LIPC: variants seen among roughly 807,000 people sequenced by gnomAD.
The protein encoded by LIPC is lipase C, hepatic type.
LIPC carries 44 observed loss-of-function variants against 50.7 expected under a neutral mutation model. The observed-to-expected ratio is 0.87, with a 90% CI of 0.68 to 1.11. LIPC has a LOEUF of 1.11. Among genes scored for constraint, LIPC ranks in the 50% most tolerant of loss-of-function variants. The pLI is 0.00. For synonymous variants in LIPC, 271 were observed against 256.4 expected (o/e 1.06, Z -0.54); for missense variants, 697 against 648.2 (o/e 1.08, Z -0.82).
chr15:58,443,346 G>A (rs1368263363), intron 1 of LIPC, among the ~76,000 whole-genome samples: 2 of 152,130 alleles, frequency 1.3e-5, no homozygotes, highest in African/African-American at 4.8e-5. Context: ...GTGGCCCAAG[G>A]GGAAAAACCT....
intron 4 of LIPC, among the ~76,000 whole-genome samples, chr15:58,544,135 C>T (rs1306263346): frequency 6.6e-6 from 1 of 152,150 alleles, no homozygotes; most frequent in Non-Finnish European, 1.5e-5. Context: ...TGGATTTAAC[C>T]CACAATAGCC....
At chr15:58,443,500 T>G (rs1243265169) in intron 1 of LIPC, among the ~76,000 whole-genome samples, 1 of 152,230 alleles carries the variant, frequency 6.6e-6, no homozygotes, top group African/African-American at 2.4e-5. Flanking sequence ...TTAAAAATTC[T>G]GGGCTACTTT....
intron 1 of LIPC, among the ~76,000 whole-genome samples, chr15:58,513,569 T>C (rs1839929): frequency 0.98 from 149,752 of 152,238 alleles, 73,703 homozygotes; most frequent in Middle Eastern, 1. Flanking sequence ...CAGAGGGAAA[T>C]ATTCAGAATC....
intron 1 of LIPC, among the ~76,000 whole-genome samples, chr15:58,509,137 T>A (rs1892254191): frequency 6.6e-6 from 1 of 152,208 alleles, no homozygotes; most frequent in South Asian, 2.1e-4. Flanking sequence ...TGTACCCAAA[T>A]CCACACATTC....
At chr15:58,445,464 T>C (rs1893662317) in intron 1 of LIPC, among the ~76,000 whole-genome samples, 1 of 152,076 alleles carries the variant, frequency 6.6e-6, no homozygotes, top group Admixed American at 6.5e-5. Context: ...CCTTCCCACA[T>C]AGAAGGGTCA....
chr15:58,523,570 T>C (rs1216042203), intron 1 of LIPC, among the ~76,000 whole-genome samples: 5 of 151,280 alleles, frequency 3.3e-5, no homozygotes, highest in Admixed American at 2.6e-4. Context: ...TCCAGAGAAA[T>C]AGTTATCATG....
At chr15:58,487,773 A>C (rs1248374836) in intron 1 of LIPC, among the ~76,000 whole-genome samples, 2 of 152,194 alleles carry the variant, frequency 1.3e-5, no homozygotes, top group South Asian at 2.1e-4. Flanking sequence ...TCATCACAGC[A>C]GTTATTTTAA....
chr15:58,474,685 A>G (rs765567792), intron 1 of LIPC, among the ~76,000 whole-genome samples: 1 of 152,162 alleles, frequency 6.6e-6, no homozygotes, highest in Non-Finnish European at 1.5e-5. Context: ...GCGTGGAGGT[A>G]CGCAGGATCC....
intron 5 of LIPC, 148 bp downstream of exon 5, chr15:58,546,123 A>G (rs558557054): frequency 4.0e-6 from 3 of 756,352 alleles, no homozygotes; most frequent in South Asian, 3.1e-5. Flanking sequence ...CCACCCAGAG[A>G]GAAGGAATGC....
At chr15:58,481,780 C>G (rs1306938167) in intron 1 of LIPC, among the ~76,000 whole-genome samples, 1 of 152,210 alleles carries the variant, frequency 6.6e-6, no homozygotes, top group Middle Eastern at 3.2e-3. Context: ...GCCTGGCCAG[C>G]AGAGCGAGAC....
intron 1 of LIPC, among the ~76,000 whole-genome samples, chr15:58,504,755 G>A (rs1376792425): frequency 2.0e-5 from 3 of 152,188 alleles, no homozygotes; most frequent in African/African-American, 7.2e-5. Flanking sequence ...AAATACTAGT[G>A]TTCTCTTCAC....
At chr15:58,536,898 C>T (rs1566942639) in intron 1 of LIPC, among the ~76,000 whole-genome samples, 1 of 152,324 alleles carries the variant, frequency 6.6e-6, no homozygotes, top group East Asian at 1.9e-4. Flanking sequence ...TCCCCTTGCA[C>T]TTTGTAGGTT....
At chr15:58,498,074 G>A (rs1460305550) in intron 1 of LIPC, among the ~76,000 whole-genome samples, 2 of 152,146 alleles carry the variant, frequency 1.3e-5, no homozygotes, top group Admixed American at 6.5e-5. Flanking sequence ...AGAGCTGAAG[G>A]ATCAAAGAGA....
chr15:58,432,134 T>C lies in LIPC; in HGVS notation c.88+14T>C. The C allele has an allele frequency of 6.3e-7, 1 of 1,584,294 alleles. No individual in the cohort carries two copies. The highest frequency in any genetic ancestry group is 8.7e-7 in the Non-Finnish European group (1 of 1,152,886). On this transcript the variant is annotated intron_variant, in intron 1 of 8. Transcript: ENST00000299022. ...GCCTGAAACCAGGTAAGAGCCTGAC[T>C]TTTCTCCAGAGATGGGCATGAACTT...
At chr15:58,435,128 T>G (rs1893250192) in intron 1 of LIPC, 1 of 152,234 alleles carries the variant, frequency 6.6e-6, no homozygotes, top group African/African-American at 2.4e-5. Context: ...CCTTGCATAT[T>G]AACACATATA....
chr15:58,564,746 A>G (rs779402693), intron 8 of LIPC, among the ~76,000 whole-genome samples: 19 of 151,954 alleles, frequency 1.3e-4, no homozygotes, highest in Non-Finnish European at 2.2e-4. Context: ...AATAATAATA[A>G]TAGAAAAGAA....
intron 1 of LIPC, 146 bp downstream of exon 1, chr15:58,432,266 A>G (rs558127333): frequency 1.1e-5 from 8 of 701,638 alleles, no homozygotes; most frequent in South Asian, 1.1e-4. Flanking sequence ...TCACAGGTTC[A>G]CAGGGACACG....
intron 1 of LIPC, among the ~76,000 whole-genome samples, chr15:58,480,997 C>T (rs1891168087): frequency 6.6e-6 from 1 of 152,170 alleles, no homozygotes; most frequent in African/African-American, 2.4e-5. Context: ...ACAGATGTTC[C>T]ATAAGCATCC....
At chr15:58,484,446 T>C (rs1308727145) in intron 1 of LIPC, among the ~76,000 whole-genome samples, 1 of 152,238 alleles carries the variant, frequency 6.6e-6, no homozygotes, top group Non-Finnish European at 1.5e-5. Flanking sequence ...CAGAGACAAC[T>C]CTTTTTATTT....
Sources: allele counts gnomAD v4.1 joint callset (sites outside exome capture counted in the v4.1 genomes callset), GRCh38; gene constraint gnomAD v4.1.1; transcripts MANE v1.5; gene names NCBI Gene and HGNC (gene_info 2026-07-23, HGNC 2026-07-21).